Variants in FYN observed in about 807,000 individuals in gnomAD.
The protein encoded by FYN is FYN proto-oncogene, Src family tyrosine kinase, also known as tyrosine-protein kinase Fyn.
FYN carries 10 observed loss-of-function variants against 70.2 expected under a neutral mutation model. The ratio of observed to expected loss-of-function variants is 0.14; its 90% CI spans 0.09 to 0.24. The LOEUF (loss-of-function observed/expected upper bound fraction) is 0.24. Among genes scored for constraint, FYN ranks in the 10% least tolerant of loss-of-function variants. The pLI is 1.00. For synonymous variants in FYN, 236 were observed against 248.6 expected, an observed-to-expected ratio of 0.95 and a Z score of 0.48; for missense variants, 319 against 673.1, an observed-to-expected ratio of 0.47 and a Z score of 5.82.
At chr6:111,801,812 A>G (rs1771994616) in intron 2 of FYN, among the ~76,000 whole-genome samples, 1 of 152,198 alleles carries the variant, frequency 6.6e-6, no homozygotes, top group Admixed American at 6.5e-5. Flanking sequence ...ATATGTGAGC[A>G]TTCTTTGAGA....
intron 3 of FYN, among the ~76,000 whole-genome samples, chr6:111,763,202 T>C (rs1199555972): frequency 6.6e-6 from 1 of 152,208 alleles, no homozygotes; most frequent in Non-Finnish European, 1.5e-5. Flanking sequence ...AACCAATGTA[T>C]ACCTTACATG....
chr6:111,721,695 G>A (rs1583361260), intron 3 of FYN, among the ~76,000 whole-genome samples: 1 of 151,806 alleles, frequency 6.6e-6, no homozygotes, highest in South Asian at 2.1e-4. Context: ...GTGAACCACC[G>A]TGACAGGCCC....
At chr6:111,691,970 C>A (rs535861531) in intron 12 of FYN, among the ~76,000 whole-genome samples, 2 of 152,188 alleles carry the variant, frequency 1.3e-5, no homozygotes, top group Admixed American at 1.3e-4. Context: ...TTGGTCCTCA[C>A]GTTTCCTCTC....
At chr6:111,854,077 C>A (rs1035336246) in intron 1 of FYN, among the ~76,000 whole-genome samples, 2 of 152,204 alleles carry the variant, frequency 1.3e-5, no homozygotes, top group Non-Finnish European at 2.9e-5. Context: ...AGGTTAAGCA[C>A]TTGTTCAGAT....
At chr6:111,836,458 A>G (rs1380239674) in intron 2 of FYN, among the ~76,000 whole-genome samples, 2 of 152,164 alleles carry the variant, frequency 1.3e-5, no homozygotes, top group Non-Finnish European at 2.9e-5. Flanking sequence ...CAACAACAAC[A>G]ACAACAACAA....
intron 12 of FYN, among the ~76,000 whole-genome samples, chr6:111,693,576 C>T (rs181518437): frequency 1.7e-4 from 26 of 152,222 alleles, no homozygotes; most frequent in Non-Finnish European, 1.3e-4. Context: ...ACTGGAATGG[C>T]TGCTGAGTTG....
At chr6:111,849,040 C>G (rs1009239201) in intron 1 of FYN, among the ~76,000 whole-genome samples, 2 of 152,166 alleles carry the variant, frequency 1.3e-5, no homozygotes, top group Non-Finnish European at 2.9e-5. Flanking sequence ...TATTGATATG[C>G]ATATGTAGTT....
At chr6:111,771,733 G>A (rs900922995) in intron 3 of FYN, among the ~76,000 whole-genome samples, 17 of 152,322 alleles carry the variant, frequency 1.1e-4, no homozygotes, top group African/African-American at 3.6e-4. Flanking sequence ...ATTAGTCACC[G>A]CCATTGAAAA....
chr6:111,696,037 C>A (rs1423388519), intron 10 of FYN, among the ~76,000 whole-genome samples: 2 of 152,204 alleles, frequency 1.3e-5, no homozygotes, highest in African/African-American at 4.8e-5. Flanking sequence ...GCTTGAATTT[C>A]TGACACACAT....
In FYN at chr6:111,846,545, A is replaced by C. The variant is rs572898495; in HGVS notation, c.-82+44T>G. ...TAGGTTCCAACAGGAAGCCCTTTAT[A>C]ATTCACAAGGCACTTGCTCTCAGTG... On this transcript the variant is annotated intron_variant, in intron 2 of 13. Transcript: ENST00000354650. The C allele has an allele frequency of 1.0e-5, 4 of 398,966 alleles. No individual in the cohort carries two copies. The South Asian group carries it at 5.1e-4, about 51-fold the overall frequency. The allele number at this position is 398,966 out of a possible 1,614,324, so 24.7% of individuals were successfully genotyped here. A position where few individuals can be genotyped will look rare whatever the true frequency, so the allele number is the denominator to read the frequency against.
At chr6:111,683,600 G>A (rs1403834517) in intron 12 of FYN, among the ~76,000 whole-genome samples, 1 of 152,036 alleles carries the variant, frequency 6.6e-6, no homozygotes, top group African/African-American at 2.4e-5. Flanking sequence ...AATAGACACT[G>A]TTTTTCTGAA....
At position 111,714,362 on chromosome 6, in the gene FYN, T is replaced by C; in HGVS notation, c.329A>G (p.Gln110Arg). 1 of 1,613,418 alleles carries C rather than the reference T, an allele frequency of 6.2e-7. No individual in the cohort carries two copies. Among genetic ancestry groups the C allele is most frequent in the Non-Finnish European group, 8.5e-7 (1 of 1,179,340 alleles). Residue 110 changes from glutamine to arginine, a missense_variant, in exon 5 of 14, where the codon CAA (glutamine) becomes CGA (arginine). Gln to Arg is a conservative substitution (Grantham distance 43). This residue lies in a region of FYN where 128 missense variants were observed against 183.9 expected (regional missense o/e 0.70). Coordinates refer to ENST00000354650, the MANE Select transcript of FYN (RefSeq NM_002037.5). ...DLSFHKGEKFQILNSSEGDWW... is the reference protein window; with the variant it reads ...DLSFHKGEKFRILNSSEGDWW... ...CCAAACTTACGAGCTGTTCAATATTTGAAATTTTTCTCCTTTGTGAAAACT... is the reference window on the plus strand; with the variant it reads ...CCAAACTTACGAGCTGTTCAATATTCGAAATTTTTCTCCTTTGTGAAAACT...
At chr6:111,800,406 C>T (rs903482289) in intron 2 of FYN, among the ~76,000 whole-genome samples, 1 of 151,970 alleles carries the variant, frequency 6.6e-6, no homozygotes, top group East Asian at 1.9e-4. Flanking sequence ...CTCTGTGGGA[C>T]GAGTCCTCAC....
chr6:111,725,897 G>C (rs1030444175), intron 3 of FYN, among the ~76,000 whole-genome samples: 1 of 152,208 alleles, frequency 6.6e-6, no homozygotes, highest in Non-Finnish European at 1.5e-5. Context: ...AGCCGACTTT[G>C]AGAGATCATC....
At chr6:111,849,737 G>T (rs898270792) in intron 1 of FYN, among the ~76,000 whole-genome samples, 2 of 152,174 alleles carry the variant, frequency 1.3e-5, no homozygotes. Flanking sequence ...CCTGGTGCTG[G>T]GCTATGCCTT....
intron 2 of FYN, among the ~76,000 whole-genome samples, chr6:111,812,604 CTTTTTTTTTTTTTTTTT>C (rs369326017): frequency 2.0e-5 from 2 of 101,284 alleles, no homozygotes; most frequent in South Asian, 7.1e-4. Flanking sequence ...AGAAATTTTC[CTTTTTTTTTTTTTTTTT>C]TTTTTTTTTT....
chr6:111,707,811 C>A, intron 6 of FYN, 111 bp downstream of exon 6: 1 of 816,826 alleles, frequency 1.2e-6, no homozygotes, highest in Non-Finnish European at 2.1e-6. Flanking sequence ...AAAACTCAGC[C>A]TTAATCACTG....
chr6:111,667,754 G>T (rs1798075552), intron 13 of FYN, among the ~76,000 whole-genome samples: 1 of 152,210 alleles, frequency 6.6e-6, no homozygotes, highest in African/African-American at 2.4e-5. Flanking sequence ...TTTTATGAAA[G>T]AAGAGTGTTT....
At chr6:111,702,793 T>G in intron 8 of FYN, 92 bp downstream of exon 8, 1 of 1,237,922 alleles carries the variant, frequency 8.1e-7, no homozygotes, top group Non-Finnish European at 1.1e-6. Context: ...ATTTTGTACA[T>G]ATTAGTTTTA....
Sources: allele counts gnomAD v4.1 joint callset (sites outside exome capture counted in the v4.1 genomes callset), GRCh38; gene constraint gnomAD v4.1.1; regional missense constraint gnomAD v4.1.1; transcripts MANE v1.5; gene names NCBI Gene and HGNC (gene_info 2026-07-23, HGNC 2026-07-21).